Variants in PTPRR observed in about 807,000 individuals in gnomAD.
PTPRR encodes protein tyrosine phosphatase receptor type R.
PTPRR carries 38 observed loss-of-function variants against 77.2 expected under a neutral mutation model. The observed-to-expected ratio is 0.49, with a 90% CI of 0.38 to 0.65. PTPRR has a LOEUF of 0.65. PTPRR is among the 30% of genes least tolerant of loss of function. PTPRR has a pLI of 0.00. For missense variants in PTPRR, 744 were observed against 799.2 expected (o/e 0.93, Z 0.83); for synonymous variants, 299 against 283.1 (o/e 1.06, Z -0.57).
At chr12:70,749,697 G>A (rs980849352) in intron 5 of PTPRR, among the ~76,000 whole-genome samples, 1 of 151,918 alleles carries the variant, frequency 6.6e-6, no homozygotes, top group African/African-American at 2.4e-5. Context: ...TTCTTGCTGC[G>A]GCTACCAGAC....
chr12:70,907,950 T>G (rs1260370659), intron 1 of PTPRR, among the ~76,000 whole-genome samples: 1 of 152,206 alleles, frequency 6.6e-6, no homozygotes, highest in Non-Finnish European at 1.5e-5. Flanking sequence ...TCACAGGAGT[T>G]CAGTTCTGTT....
chr12:70,733,427 C>CAAAAAAAAAAAAAAAAAAAAAAAAAAAAA (rs764791536), intron 6 of PTPRR, among the ~76,000 whole-genome samples: 3 of 27,058 alleles, frequency 1.1e-4, no homozygotes, highest in Admixed American at 4.8e-4. Flanking sequence ...CAAACAACAA[C>CAAAAAAAAAAAAAAAAAAAAAAAAAAAAA]AAAAAAAAAA....
chr12:70,684,094 A>T lies in PTPRR; in HGVS notation c.1497+33T>A, dbSNP rs769892622. On this transcript the variant is annotated intron_variant, in intron 10 of 13. Coordinates refer to ENST00000283228, the MANE Select transcript of PTPRR (RefSeq NM_002849.4). ...TATCTCTTCTATAGCAACAGAACAC[A>T]TATAACATTCAGAACTTGATTAAAG... 1.9e-6 allele frequency: 3 copies of T among 1,607,318 alleles called. No individual in the cohort carries two copies. The South Asian group carries it at 3.3e-5, about 18-fold the overall frequency.
At chr12:70,648,561 C>G (rs1237832652) in intron 13 of PTPRR, among the ~76,000 whole-genome samples, 3 of 152,044 alleles carry the variant, frequency 2.0e-5, no homozygotes, top group Non-Finnish European at 2.9e-5. Flanking sequence ...GGTTTTTATA[C>G]CAGAAAAGGT....
At chr12:70,702,178 G>A (rs917995434) in intron 6 of PTPRR, among the ~76,000 whole-genome samples, 2 of 152,024 alleles carry the variant, frequency 1.3e-5, no homozygotes, top group African/African-American at 4.8e-5. Context: ...TTTCCCGCTG[G>A]GGGGCAAGGG....
At chr12:70,750,371 G>A (rs2136939538) in intron 5 of PTPRR, among the ~76,000 whole-genome samples, 1 of 152,234 alleles carries the variant, frequency 6.6e-6, no homozygotes, top group African/African-American at 2.4e-5. Flanking sequence ...ATGCCAGGGG[G>A]AAAATTCTGA....
intron 2 of PTPRR, among the ~76,000 whole-genome samples, chr12:70,827,273 C>T (rs1481465067): frequency 1.3e-5 from 2 of 152,194 alleles, no homozygotes; most frequent in Non-Finnish European, 1.5e-5. Context: ...TAGCACATAG[C>T]AGGTACTTAA....
intron 2 of PTPRR, among the ~76,000 whole-genome samples, chr12:70,860,147 C>T (rs901751395): frequency 6.6e-6 from 1 of 152,090 alleles, no homozygotes; most frequent in Non-Finnish European, 1.5e-5. Flanking sequence ...ACTACAGATA[C>T]ATCTCTTTTG....
chr12:70,785,995 C>T (rs1592756846), intron 2 of PTPRR, among the ~76,000 whole-genome samples: 1 of 152,148 alleles, frequency 6.6e-6, no homozygotes, highest in Non-Finnish European at 1.5e-5. Context: ...CCTCCCCTCC[C>T]CTTCCTTCAG....
intron 4 of PTPRR, chr12:70,754,741 C>G (rs1387900514): frequency 6.4e-7 from 1 of 1,560,986 alleles, no homozygotes; most frequent in Non-Finnish European, 8.6e-7. Context: ...CAAGTGCAAA[C>G]AAAAGCTTGT....
chr12:70,908,513 A>C (rs1893656131), intron 1 of PTPRR, among the ~76,000 whole-genome samples: 1 of 152,172 alleles, frequency 6.6e-6, no homozygotes. Flanking sequence ...TTATAAAACC[A>C]TCAGATCTCG....
chr12:70,807,910 A>G (rs1017425237), intron 2 of PTPRR, among the ~76,000 whole-genome samples: 5 of 152,182 alleles, frequency 3.3e-5, no homozygotes, highest in African/African-American at 1.2e-4. Context: ...AGAGGATAAC[A>G]GCGATTTTCA....
At chr12:70,800,283 T>G (rs1268530139) in intron 2 of PTPRR, among the ~76,000 whole-genome samples, 1 of 150,600 alleles carries the variant, frequency 6.6e-6, no homozygotes, top group Non-Finnish European at 1.5e-5. Context: ...TTTTTTTTTG[T>G]GCTGAGGTTA....
chr12:70,683,264 T>C (rs1463160252), intron 10 of PTPRR, among the ~76,000 whole-genome samples: 4 of 152,192 alleles, frequency 2.6e-5, no homozygotes, highest in Admixed American at 1.3e-4. Context: ...GAAATGCTGA[T>C]TAAAATTAGA....
intron 2 of PTPRR, among the ~76,000 whole-genome samples, chr12:70,869,292 T>A (rs1892920152): frequency 6.6e-6 from 1 of 152,174 alleles, no homozygotes; most frequent in Admixed American, 6.6e-5. Context: ...TGGTCCAGTT[T>A]GTGGTCTATA....
intron 13 of PTPRR, among the ~76,000 whole-genome samples, chr12:70,650,665 T>C (rs915642994): frequency 6.6e-6 from 1 of 152,192 alleles, no homozygotes; most frequent in African/African-American, 2.4e-5. Context: ...CAGTAGCAGA[T>C]GTCTAGTGAT....
At chr12:70,782,454 G>C (rs1312493037) in intron 2 of PTPRR, among the ~76,000 whole-genome samples, 3 of 152,174 alleles carry the variant, frequency 2.0e-5, no homozygotes, top group East Asian at 1.9e-4. Context: ...GTCCATCAAT[G>C]ATAGACTGGA....
intron 6 of PTPRR, among the ~76,000 whole-genome samples, chr12:70,737,882 A>G (rs747144474): frequency 6.6e-6 from 1 of 152,196 alleles, no homozygotes; most frequent in Non-Finnish European, 1.5e-5. Context: ...ATATGCAGTC[A>G]TATTAATTCT....
intron 2 of PTPRR, among the ~76,000 whole-genome samples, chr12:70,874,908 G>A (rs1170726164): frequency 3.5e-5 from 4 of 115,414 alleles, no homozygotes; most frequent in African/African-American, 6.9e-5. Context: ...GTGACAGAGT[G>A]AGACTCCATC....
Sources: gnomAD v4.1 joint callset for allele counts (sites outside exome capture counted in the v4.1 genomes callset) on GRCh38, gnomAD v4.1.1 for gene constraint, MANE v1.5 for transcripts, NCBI Gene and HGNC (gene_info 2026-07-23, HGNC 2026-07-21) for gene names.